MACROD2: variants seen among roughly 807,000 people sequenced by gnomAD.
MACROD2 encodes the protein ADP-ribose glycohydrolase MACROD2.
A neutral mutation model predicts 70.4 loss-of-function variants in MACROD2; 36 were observed. The ratio of observed to expected loss-of-function variants is 0.51; its 90% CI spans 0.39 to 0.68. The LOEUF is 0.68. MACROD2 is among the 30% of genes least tolerant of loss of function. MACROD2 has a pLI of 0.00. For synonymous variants in MACROD2, 172 were observed against 178.8 expected (o/e 0.96, Z 0.30); for missense variants, 496 against 538.4 (o/e 0.92, Z 0.78).
intron 7 of MACROD2, among the ~76,000 whole-genome samples, chr20:15,464,870 G>A (rs1392742527): frequency 2.0e-5 from 3 of 152,106 alleles, no homozygotes; most frequent in South Asian, 4.1e-4. Flanking sequence ...AGTCATCCTT[G>A]TATCTCCAAT....
intron 7 of MACROD2, among the ~76,000 whole-genome samples, chr20:15,440,515 A>C (rs1485068070): frequency 6.6e-6 from 1 of 152,198 alleles, no homozygotes; most frequent in Non-Finnish European, 1.5e-5. Flanking sequence ...AGACCAGCGC[A>C]ATGTTATGTT....
chr20:14,575,685 A>G (rs1980551281), intron 4 of MACROD2, among the ~76,000 whole-genome samples: 1 of 152,222 alleles, frequency 6.6e-6, no homozygotes, highest in African/African-American at 2.4e-5. Context: ...TGGCATATGT[A>G]CATTTTATAA....
chr20:15,294,013 C>T (rs766222845), intron 6 of MACROD2, among the ~76,000 whole-genome samples: 11 of 150,604 alleles, frequency 7.3e-5, no homozygotes, highest in South Asian at 2.1e-4. Context: ...CCAGCTACTT[C>T]GGGAGGCTGA....
In MACROD2 at chr20:14,602,051, C is replaced by T. The variant is rs753983954; in HGVS notation, c.302-82792C>T. ...GTCGTAGTGATGCAGGACTTCTGCTCCTTACTTCAGCTAAATCTGATTTCC... is the reference window on the plus strand; with the variant it reads ...GTCGTAGTGATGCAGGACTTCTGCTTCTTACTTCAGCTAAATCTGATTTCC... On this transcript the variant is annotated intron_variant, in intron 4 of 17. Coordinates refer to ENST00000684519, the MANE Select transcript of MACROD2 (RefSeq NM_001351661.2). 8.5e-5 allele frequency among the ~76,000 whole-genome samples: 13 copies of T among 152,268 alleles called. No individual in the cohort carries two copies. The South Asian group carries it at 2.3e-3, about 27-fold the overall frequency.
chr20:14,787,942 T>A (rs1271678529), intron 5 of MACROD2, among the ~76,000 whole-genome samples: 1 of 152,094 alleles, frequency 6.6e-6, no homozygotes, highest in Non-Finnish European at 1.5e-5. Flanking sequence ...CTCTTTACTA[T>A]ATTTTGGCTT....
At chr20:14,384,128 C>T (rs977707632) in intron 3 of MACROD2, among the ~76,000 whole-genome samples, 13 of 152,026 alleles carry the variant, frequency 8.6e-5, no homozygotes, top group African/African-American at 2.2e-4. Context: ...TAAATTAAAA[C>T]GAATTCATCG....
At chr20:15,288,560 A>G (rs187646724) in intron 6 of MACROD2, among the ~76,000 whole-genome samples, 145 of 152,288 alleles carry the variant, frequency 9.5e-4, no homozygotes, top group African/African-American at 3.4e-3. Flanking sequence ...AATTGGTCGA[A>G]GGCTTAGATA....
chr20:14,774,351 C>G lies in MACROD2; in HGVS notation c.418+89392C>G, dbSNP rs111660885. ...CTCCCTAACAGTCTGCTAGAAGTGT[C>G]AGAGCTCAGGATATCTGCTTTTTAA... is the stretch of plus-strand genomic sequence containing the variant. On this transcript the variant is annotated intron_variant, in intron 5 of 17. Coordinates refer to ENST00000684519, the MANE Select transcript of MACROD2 (RefSeq NM_001351661.2). 5.6e-3 allele frequency among the ~76,000 whole-genome samples: 849 copies of G among 152,070 alleles called. 12 individuals carry two copies. Among genetic ancestry groups the G allele is most frequent in the African/African-American group, 0.019 (785 of 41,472 alleles).
intron 5 of MACROD2, among the ~76,000 whole-genome samples, chr20:15,024,736 C>G (rs1244945834): frequency 6.6e-5 from 10 of 152,210 alleles, no homozygotes; most frequent in South Asian, 6.2e-4. Context: ...ACCACTGACA[C>G]AAAACATTTT....
intron 5 of MACROD2, among the ~76,000 whole-genome samples, chr20:14,940,151 A>AAAG (rs1414317643): frequency 7.9e-6 from 1 of 125,864 alleles, no homozygotes; most frequent in Non-Finnish European, 1.5e-5. Flanking sequence ...ATCTCTGCAA[A>AAAG]AAAAAAAAAA....
At chr20:15,391,373 G>T (rs147945969) in intron 6 of MACROD2, among the ~76,000 whole-genome samples, 2 of 152,352 alleles carry the variant, frequency 1.3e-5, no homozygotes, top group East Asian at 1.9e-4. Context: ...GGGATTTGAT[G>T]ATTTTGTTAT....
chr20:14,535,109 A>T (rs1001224597), intron 4 of MACROD2, among the ~76,000 whole-genome samples: 1 of 152,328 alleles, frequency 6.6e-6, no homozygotes, highest in Non-Finnish European at 1.5e-5. Flanking sequence ...AAAATGAATG[A>T]TTTTATCTGA....
chr20:15,455,285 A>G (rs1226190145), intron 7 of MACROD2, among the ~76,000 whole-genome samples: 2 of 152,188 alleles, frequency 1.3e-5, no homozygotes, highest in Non-Finnish European at 2.9e-5. Context: ...GATTTAGATA[A>G]TGAGTGTGCA....
chr20:14,347,230 T>C (rs2083073132), intron 3 of MACROD2, among the ~76,000 whole-genome samples: 1 of 152,066 alleles, frequency 6.6e-6, no homozygotes, highest in Non-Finnish European at 1.5e-5. Context: ...TTGGACTCTT[T>C]ATCAGTTACT....
intron 10 of MACROD2, among the ~76,000 whole-genome samples, chr20:15,902,308 A>G (rs2065075930): frequency 6.6e-6 from 1 of 151,948 alleles, no homozygotes; most frequent in Non-Finnish European, 1.5e-5. Context: ...ATGTATTAAT[A>G]TATTATAAGC....
chr20:15,744,820 C>A (rs1238462675), intron 8 of MACROD2, among the ~76,000 whole-genome samples: 1 of 151,810 alleles, frequency 6.6e-6, no homozygotes, highest in African/African-American at 2.4e-5. Flanking sequence ...CTCTTTGCAA[C>A]TTTTTTTAAA....
intron 8 of MACROD2, among the ~76,000 whole-genome samples, chr20:15,626,367 T>A (rs2049202733): frequency 1.3e-5 from 2 of 152,194 alleles, no homozygotes; most frequent in South Asian, 4.1e-4. Flanking sequence ...ATGCAAATAG[T>A]TTTCAAAATG....
chr20:14,935,091 C>G (rs1374213923), intron 5 of MACROD2: 3 of 151,824 alleles, frequency 2.0e-5, no homozygotes, highest in Admixed American at 6.6e-5. Flanking sequence ...GGACCAAAGA[C>G]AGATATTTGA....
chr20:15,226,627 T>G (rs1203191918), intron 5 of MACROD2, among the ~76,000 whole-genome samples: 6 of 152,096 alleles, frequency 3.9e-5, no homozygotes, highest in African/African-American at 1.4e-4. Context: ...TTGTGAAAAA[T>G]TAGTCATATT....
Sources: allele counts gnomAD v4.1 joint callset (sites outside exome capture counted in the v4.1 genomes callset), GRCh38; gene constraint gnomAD v4.1.1; transcripts MANE v1.5; gene names NCBI Gene and HGNC (gene_info 2026-07-23, HGNC 2026-07-21).